Variants in LETMD1 observed in about 807,000 individuals in gnomAD.
LETMD1 encodes the protein LETM1 domain containing 1.
A neutral mutation model predicts 43.9 loss-of-function variants in LETMD1; 30 were observed. The observed-to-expected ratio is 0.68, with a 90% confidence interval of 0.51 to 0.93. The LOEUF is 0.93. Ranked by LOEUF, LETMD1 falls within the 40% of genes least tolerant of loss-of-function variation. The pLI, the probability that LETMD1 is intolerant of heterozygous loss-of-function variation, is 0.00. For synonymous variants in LETMD1, 176 were observed against 163.1 expected (o/e 1.08, Z -0.60); for missense variants, 413 against 447.7 (o/e 0.92, Z 0.70).
intron 4 of LETMD1, among the ~76,000 whole-genome samples, chr12:51,054,859 G>C (rs2136652812): frequency 6.6e-6 from 1 of 152,312 alleles, no homozygotes; most frequent in South Asian, 2.1e-4. Context: ...CCAGCACTTT[G>C]GGAGGCCGAG....
the LETMD1 span, among the ~76,000 whole-genome samples, chr12:51,065,715 C>T: frequency 6.6e-6 from 1 of 152,144 alleles, no homozygotes; most frequent in Non-Finnish European, 1.5e-5. Context: ...CCACCCCAGC[C>T]TCCCAAAGTG....
chr12:51,059,500 T>TG lies in LETMD1; in HGVS notation c.*70dup. The TG allele has an allele frequency of 1.4e-6, 2 of 1,395,570 alleles. No individual in the cohort carries two copies. Among genetic ancestry groups the TG allele is most frequent in the Non-Finnish European group, 2.0e-6 (2 of 982,096 alleles). 86.4% of individuals were successfully genotyped at this position (1,395,570 alleles called of 1,614,324 possible). A position where few individuals can be genotyped will look rare whatever the true frequency, so the allele number is the denominator to read the frequency against. ...TAGCAGTGCAGGAACAAACAGCACTTGCCAGCAAAGTCTGTGTGTACTGTT... is the reference window on the plus strand; with the variant it reads ...TAGCAGTGCAGGAACAAACAGCACTTGGCCAGCAAAGTCTGTGTGTACTGTT... On this transcript the variant is annotated 3_prime_UTR_variant, in exon 9 of 9. Coordinates refer to ENST00000262055, the MANE Select transcript of LETMD1 (RefSeq NM_015416.5).
At chr12:51,061,214 A>G (rs992811222), downstream of LETMD1, 6 of 152,516 alleles carry the variant, frequency 3.9e-5, no homozygotes, top group Non-Finnish European at 8.8e-5. Flanking sequence ...ATTCTTTTGA[A>G]TATTTCTTTA....
upstream of LETMD1, chr12:51,048,225 G>C (rs980889006): frequency 3.3e-6 from 4 of 1,223,718 alleles, no homozygotes; most frequent in South Asian, 3.6e-5. Flanking sequence ...CTCCTGGCTT[G>C]TGCTGGAGCC....
At chr12:51,059,279 C>T (rs1287251642) in intron 8 of LETMD1, 82 bp from the exon 9 acceptor site, 1 of 1,263,836 alleles carries the variant, frequency 7.9e-7, no homozygotes, top group Non-Finnish European at 1.2e-6. Flanking sequence ...ACTTGGCTTC[C>T]TGCCTCCAGG....
upstream of LETMD1, chr12:51,048,261 G>A: frequency 2.6e-6 from 4 of 1,537,652 alleles, no homozygotes; most frequent in Non-Finnish European, 2.7e-6. Flanking sequence ...ACCAATCAGC[G>A]CTCAGAAAAG....
intron 3 of LETMD1, among the ~76,000 whole-genome samples, chr12:51,053,148 C>T (rs1592606939): frequency 1.3e-5 from 2 of 151,670 alleles, no homozygotes; most frequent in Non-Finnish European, 2.9e-5. Flanking sequence ...CAAAGGGCAG[C>T]ATGAAAGTAG....
intron 2 of LETMD1, 37 bp downstream of exon 2, chr12:51,049,222 C>G: frequency 6.3e-7 from 1 of 1,583,850 alleles, no homozygotes; most frequent in Non-Finnish European, 8.6e-7. Context: ...CCGGAATCAG[C>G]TCTTGGGCAG....
In LETMD1 at chr12:51,048,327, C is replaced by T. The variant is rs1944886317; in HGVS notation, c.-30C>T. 2 of 1,613,932 alleles carry T rather than the reference C, an allele frequency of 1.2e-6. No homozygotes were observed. Among genetic ancestry groups the T allele is most frequent in the Non-Finnish European group, 1.7e-6 (2 of 1,179,906 alleles). The stretch of plus-strand genomic sequence containing the variant: ...CGGTTAACTTTGACCCAAAGACAAC[C>T]TCTTCTCTCCCGCTTCTCTCGCTGT... On this transcript the variant is annotated 5_prime_UTR_variant, in exon 1 of 9. Coordinates refer to ENST00000262055, the MANE Select transcript of LETMD1 (RefSeq NM_015416.5).
Position 51,052,172 on chromosome 12 carries a change from C to T in LETMD1, c.355C>T (p.Gln119Ter). 6.2e-7 allele frequency: 1 copy of T among 1,613,934 alleles called. No individual in the cohort carries two copies. Among genetic ancestry groups the T allele is most frequent in the Non-Finnish European group, 8.5e-7 (1 of 1,179,800 alleles). The change falls in exon 3 of 9, where the codon CAA becomes TAA. Residue 119 changes from glutamine (Q) to a stop codon, truncating the protein, a stop_gained. Coordinates refer to ENST00000262055, the MANE Select transcript of LETMD1 (RefSeq NM_015416.5). LOFTEE classifies it high-confidence loss of function. ...NMWKHNIKFH[Q>*]LPYREMEHLR... is the part of the protein sequence containing the mutation. ...GTGGAAGCACAATATAAAGTTTCAT[C>T]AACTTCCATACCGGGAGATGGAGCA...
intron 4 of LETMD1, among the ~76,000 whole-genome samples, 172 bp downstream of exon 4, chr12:51,054,032 A>G (rs1303573128): frequency 6.6e-6 from 1 of 152,166 alleles, no homozygotes; most frequent in Non-Finnish European, 1.5e-5. Context: ...GACCTTGGTT[A>G]CTGTGACACA....
chr12:51,063,664 C>G, downstream of LETMD1: 9 of 1,098,400 alleles, frequency 8.2e-6, no homozygotes, highest in Non-Finnish European at 1.1e-5. Flanking sequence ...GCAGCTGCTT[C>G]TACAGTTTTG....
Position 51,049,026 on chromosome 12 carries a change from C to T in LETMD1, c.123-8C>T, listed in dbSNP as rs758704653. On this transcript the variant is annotated splice_polypyrimidine_tract_variant and splice_region_variant and intron_variant, in intron 1 of 8. Transcript: ENST00000262055. ...ATTCCCAGATAGTCTCTTTGATCTT[C>T]CTTGTAGGTCTTCAAAGCTTCACCT... 1.2e-6 allele frequency: 2 copies of T among 1,613,232 alleles called. No homozygotes were observed. Among genetic ancestry groups the T allele is most frequent in the Non-Finnish European group, 1.7e-6 (2 of 1,179,552 alleles).
At chr12:51,054,115 G>A (rs1946949164) in intron 4 of LETMD1, among the ~76,000 whole-genome samples, 1 of 151,880 alleles carries the variant, frequency 6.6e-6, no homozygotes, top group Non-Finnish European at 1.5e-5. Context: ...AAATAAGATA[G>A]TGACCTTCTC....
the LETMD1 span, among the ~76,000 whole-genome samples, chr12:51,067,476 G>A: frequency 6.6e-6 from 1 of 152,260 alleles, no homozygotes; most frequent in South Asian, 2.1e-4. The surrounding 1 kb of genome is among the most constrained non-coding windows in gnomAD (Gnocchi z 4.1). Flanking sequence ...CACATAGCTA[G>A]GATTAGAGGT....
In LETMD1 at chr12:51,056,151, G is replaced by T. The variant is rs144918558; in HGVS notation, c.668G>T (p.Arg223Leu). The part of the protein sequence containing the change: ...RLTDLCTKIQ[R>L]GTHPAIHDIL... ...TCTCTTACCTCTTCCAAGATACAGC[G>T]TGGTACCCACCCAGCAATACATGAT... The change falls in exon 6 of 9, where the codon CGT (arginine) becomes CTT (leucine). Residue 223 changes from arginine to leucine, a missense_variant. Transcript: ENST00000262055. The T allele has an allele frequency of 1.1e-5, 17 of 1,614,034 alleles. No homozygotes were observed. The African/African-American group carries it at 2.3e-4, about 22-fold the overall frequency.
chr12:51,055,665 T>TAACAA, intron 4 of LETMD1, 170 bp from the exon 5 acceptor site: 1 of 149,252 alleles, frequency 6.7e-6, no homozygotes, highest in Non-Finnish European at 1.2e-5. Flanking sequence ...CCCTGTCTCT[T>TAACAA]AAAAAAAAAA....
the LETMD1 span, chr12:51,068,040 G>A: frequency 4.2e-6 from 6 of 1,433,430 alleles, no homozygotes; most frequent in Non-Finnish European, 5.8e-6. Context: ...CCATCCCAGA[G>A]CAGCACTGTC....
the LETMD1 span, among the ~76,000 whole-genome samples, chr12:51,068,190 T>C: frequency 6.6e-6 from 1 of 152,224 alleles, no homozygotes; most frequent in Non-Finnish European, 1.5e-5. Context: ...AAAAGTCTCA[T>C]TCTGTCGTCC....
Sources: gnomAD v4.1 joint callset for allele counts (sites outside exome capture counted in the v4.1 genomes callset) on GRCh38, gnomAD v4.1.1 for gene constraint, Gnocchi (gnomAD v3.1) non-coding constraint, MANE v1.5 for transcripts, NCBI Gene and HGNC (gene_info 2026-07-23, HGNC 2026-07-21) for gene names.